MAST4: variants seen among roughly 807,000 people sequenced by gnomAD.
The protein encoded by MAST4 is microtubule-associated serine/threonine-protein kinase 4.
MAST4 carries 89 observed loss-of-function variants against 162.7 expected under a neutral mutation model. The observed-to-expected ratio is 0.55, with a 90% CI of 0.46 to 0.65. MAST4 has a LOEUF of 0.65. Among genes scored for constraint, MAST4 ranks in the 30% least tolerant of loss-of-function variants. The probability of loss-of-function intolerance (pLI) is 0.00; values close to 1 mark genes in which losing one functional copy is unlikely to be tolerated. For missense variants in MAST4, 3,153 were observed against 3,374.0 expected, an observed-to-expected ratio of 0.93 and a Z score of 1.62; for synonymous variants, 1,479 against 1,361.1, an observed-to-expected ratio of 1.09 and a Z score of -1.91.
chr5:66,704,129 T>C (rs1239698817), intron 1 of MAST4, among the ~76,000 whole-genome samples: 1 of 152,198 alleles, frequency 6.6e-6, no homozygotes, highest in Non-Finnish European at 1.5e-5. Context: ...AGGTTTTTTT[T>C]CCCTGTAACC....
Position 66,596,752 on chromosome 5 carries a change from T to C in MAST4, c.97T>C (p.Ser33Pro). ...AGCCTCTGCGCTGGTCGCCGCGTCC[T>C]CTCCGGGTGCTTCCTCGGCCGAGTC... ...TPASALVAAS[S>P]PGASSAESSS... The change falls in exon 1 of 29, where the codon TCT becomes CCT. Residue 33 changes from serine (S) to proline (P), a missense_variant. This residue lies in a region of MAST4 where 327 missense variants were observed against 336.5 expected (regional missense o/e 0.97). Transcript: ENST00000403625. The C allele has an allele frequency of 7.1e-7, 1 of 1,401,334 alleles. No individual in the cohort carries two copies. 86.8% of individuals were successfully genotyped at this position (1,401,334 alleles called of 1,614,324 possible). A position where few individuals can be genotyped will look rare whatever the true frequency, so the allele number is the denominator to read the frequency against.
chr5:66,947,359 A>G (rs1218333482), intron 4 of MAST4, among the ~76,000 whole-genome samples: 1 of 152,162 alleles, frequency 6.6e-6, no homozygotes, highest in Non-Finnish European at 1.5e-5. Flanking sequence ...CCTGTGCCCT[A>G]TCCATCTCCC....
At chr5:66,757,081 C>T (rs1030527441) in intron 1 of MAST4, among the ~76,000 whole-genome samples, 1 of 152,106 alleles carries the variant, frequency 6.6e-6, no homozygotes, top group Non-Finnish European at 1.5e-5. Flanking sequence ...TCTTTTATGG[C>T]TTTCCTATTT....
intron 4 of MAST4, among the ~76,000 whole-genome samples, chr5:66,950,275 C>T (rs1744524599): frequency 6.6e-6 from 1 of 150,820 alleles, no homozygotes; most frequent in African/African-American, 2.4e-5. Context: ...ATATACCTAA[C>T]ATAAAATTTT....
At chr5:66,872,758 C>T (rs1761032017) in intron 3 of MAST4, among the ~76,000 whole-genome samples, 2 of 152,172 alleles carry the variant, frequency 1.3e-5, no homozygotes, top group African/African-American at 2.4e-5. Context: ...GCGGGGCCTT[C>T]TTGGACCCTA....
At position 66,820,444 on chromosome 5, in the gene MAST4, A is replaced by G. The variant is rs183493396; in HGVS notation, c.642+31650A>G. On this transcript the variant is annotated intron_variant, in intron 3 of 28. Transcript: ENST00000403625. ...CACTCATCTATTCTCTTCTTAATCT[A>G]TGTATTAATATGACATATGGGACTT... Among the ~76,000 whole-genome samples the G allele has an allele frequency of 4.6e-5, 7 of 152,296 alleles. No individual in the cohort carries two copies. In the East Asian group the frequency reaches 1.3e-3, roughly 29 times the overall value.
intron 4 of MAST4, among the ~76,000 whole-genome samples, chr5:67,019,070 A>G (rs899847490): frequency 3.3e-5 from 5 of 152,162 alleles, no homozygotes; most frequent in African/African-American, 1.2e-4. Context: ...CTCCTGGTTT[A>G]TTATCTGCTT....
intron 4 of MAST4, among the ~76,000 whole-genome samples, chr5:67,017,887 G>T (rs1472097060): frequency 1.3e-5 from 2 of 151,994 alleles, no homozygotes; most frequent in South Asian, 4.1e-4. Flanking sequence ...GTGAACCACC[G>T]CACCCGGCCA....
At chr5:66,895,968 C>A (rs1043356343) in intron 3 of MAST4, among the ~76,000 whole-genome samples, 2 of 152,166 alleles carry the variant, frequency 1.3e-5, no homozygotes, top group African/African-American at 4.8e-5. Context: ...TTGTCAAAAT[C>A]ATGACTTTAA....
At chr5:66,937,659 C>T (rs1580939642) in intron 4 of MAST4, among the ~76,000 whole-genome samples, 1 of 152,056 alleles carries the variant, frequency 6.6e-6, no homozygotes, top group Non-Finnish European at 1.5e-5. Context: ...TTCATCTACT[C>T]ATTTTTTTCA....
At chr5:66,650,208 G>A (rs908401658) in intron 1 of MAST4, among the ~76,000 whole-genome samples, 1 of 152,122 alleles carries the variant, frequency 6.6e-6, no homozygotes, top group Non-Finnish European at 1.5e-5. Context: ...GCTTCAAGCT[G>A]TGGTCTGGCC....
At position 67,162,661 on chromosome 5, in the gene MAST4, C is replaced by T. The variant is rs907811790; in HGVS notation, c.3840C>T (p.Thr1280=). 2 of 1,613,748 alleles carry T rather than the reference C, an allele frequency of 1.2e-6. No homozygotes were observed. Among genetic ancestry groups the T allele is most frequent in the African/African-American group, 2.7e-5 (2 of 74,866 alleles). The change falls in exon 28 of 29, where the codon ACC becomes ACT. Residue 1280 remains threonine, a synonymous_variant. Transcript: ENST00000403625. ...LAKQPSPLLH[T]SRSFSCLNRS... ...AGCAGCCTTCTCCTTTACTCCACACCAGCCGAAGTTTCTCCTGCTTGAACA... is the reference window on the plus strand; with the variant it reads ...AGCAGCCTTCTCCTTTACTCCACACTAGCCGAAGTTTCTCCTGCTTGAACA...
intron 4 of MAST4, among the ~76,000 whole-genome samples, chr5:66,924,396 A>T (rs1003422161): frequency 2.8e-5 from 4 of 144,686 alleles, no homozygotes; most frequent in Non-Finnish European, 6.1e-5. Flanking sequence ...GTAGAAAATA[A>T]TTTTTTTTTT....
intron 18 of MAST4, 82 bp from the exon 19 acceptor site, chr5:67,136,481 A>G: frequency 1.9e-6 from 2 of 1,052,440 alleles, no homozygotes; most frequent in Non-Finnish European, 2.9e-6. Flanking sequence ...CTTTCTGACA[A>G]ATTCCCAGGT....
chr5:67,120,895 G>A, intron 13 of MAST4, 122 bp from the exon 14 acceptor site: 1 of 673,824 alleles, frequency 1.5e-6, no homozygotes, highest in Non-Finnish European at 2.5e-6. Context: ...GGTTCCTGTG[G>A]CTGGAATACT....
rs1177036871 is a variant in MAST4, at chr5:67,167,643, T to TA, written c.*593dup. On this transcript the variant is annotated 3_prime_UTR_variant, in exon 29 of 29. Transcript: ENST00000403625. ...CTAAACACAGTAGATTCTGAGTTTT[T>TA]ATGTGTATTTTAACCAGAGTTTCTG... 1 of 152,234 alleles carries TA rather than the reference T, an allele frequency of 6.6e-6. No homozygotes were observed. Among genetic ancestry groups the TA allele is most frequent in the African/African-American group, 2.4e-5 (1 of 41,470 alleles). The allele number at this position is 152,234 out of a possible 1,614,324, so 9.4% of individuals were successfully genotyped here.
chr5:66,973,964 C>T (rs553606058), intron 4 of MAST4, among the ~76,000 whole-genome samples: 36 of 152,270 alleles, frequency 2.4e-4, no homozygotes, highest in African/African-American at 8.7e-4. Flanking sequence ...TAACATGATG[C>T]AATTAATCTT....
At chr5:66,997,530 C>T (rs1240348158) in intron 4 of MAST4, among the ~76,000 whole-genome samples, 6 of 150,364 alleles carry the variant, frequency 4.0e-5, no homozygotes, top group Admixed American at 3.3e-4. Flanking sequence ...CTCTGGGGTT[C>T]AAGCAATTCT....
At chr5:66,734,749 A>T (rs1481868132) in intron 1 of MAST4, among the ~76,000 whole-genome samples, 1 of 152,224 alleles carries the variant, frequency 6.6e-6, no homozygotes, top group East Asian at 1.9e-4. Context: ...TTTAAATTAA[A>T]TCTAAATAGC....
Sources: allele counts gnomAD v4.1 joint callset (sites outside exome capture counted in the v4.1 genomes callset), GRCh38; gene constraint gnomAD v4.1.1; regional missense constraint gnomAD v4.1.1; transcripts MANE v1.5; gene names NCBI Gene and HGNC (gene_info 2026-07-23, HGNC 2026-07-21).